SLC25A24: variants seen among roughly 807,000 people sequenced by gnomAD.
SLC25A24 encodes mitochondrial adenyl nucleotide antiporter SLC25A24.
SLC25A24 carries 49 observed loss-of-function variants against 60.7 expected under a neutral mutation model. The ratio of observed to expected loss-of-function variants is 0.81; its 90% CI spans 0.64 to 1.02. The LOEUF (loss-of-function observed/expected upper bound fraction) is 1.02, where lower values mean the gene tolerates loss of function less well. Ranked by LOEUF, SLC25A24 falls within the 50% of genes least tolerant of loss-of-function variation. The pLI is 0.00. For synonymous variants in SLC25A24, 202 were observed against 200.6 expected (o/e 1.01, Z -0.06); for missense variants, 564 against 586.3 (o/e 0.96, Z 0.39).
At chr1:108,169,107 C>T (rs780688743) in intron 3 of SLC25A24, among the ~76,000 whole-genome samples, 21 of 152,168 alleles carry the variant, frequency 1.4e-4, no homozygotes, top group Non-Finnish European at 2.6e-4. Context: ...ACTTCTTTCA[C>T]GTGACAAATC....
intron 3 of SLC25A24, among the ~76,000 whole-genome samples, chr1:108,165,905 T>G (rs1459634896): frequency 6.6e-6 from 1 of 152,240 alleles, no homozygotes; most frequent in African/African-American, 2.4e-5. Context: ...TCTTTACATT[T>G]TGGCATGATT....
intron 7 of SLC25A24, among the ~76,000 whole-genome samples, chr1:108,145,328 A>T (rs1679555291): frequency 6.6e-6 from 1 of 151,868 alleles, no homozygotes; most frequent in Non-Finnish European, 1.5e-5. Context: ...TGTCAGATGG[A>T]TAGATTGCAA....
intron 1 of SLC25A24, among the ~76,000 whole-genome samples, chr1:108,193,289 G>A (rs1448236588): frequency 7.2e-6 from 1 of 138,308 alleles, no homozygotes; most frequent in East Asian, 2.7e-4. Context: ...CACCCAGGTT[G>A]TGAACAAAGT....
intron 4 of SLC25A24, among the ~76,000 whole-genome samples, chr1:108,159,668 T>C (rs1223183623): frequency 1.3e-5 from 2 of 151,844 alleles, no homozygotes; most frequent in African/African-American, 2.4e-5. Flanking sequence ...GTGATGACTC[T>C]TAACGAGCCT....
At chr1:108,180,960 T>A (rs1647904969) in intron 3 of SLC25A24, among the ~76,000 whole-genome samples, 1 of 152,226 alleles carries the variant, frequency 6.6e-6, no homozygotes, top group African/African-American at 2.4e-5. Flanking sequence ...GCCCTCACTT[T>A]CCTATAAGAA....
At chr1:108,186,901 A>AC (rs1348398353) in intron 1 of SLC25A24, among the ~76,000 whole-genome samples, 1 of 151,784 alleles carries the variant, frequency 6.6e-6, no homozygotes, top group Non-Finnish European at 1.5e-5. Context: ...AACATGGAGA[A>AC]CCCCCATCTC....
rs1271850324 is a variant in SLC25A24 at position 108,182,804 on chromosome 1, G to A, written c.311-776C>T. On this transcript the variant is annotated intron_variant, in intron 2 of 9. Coordinates refer to ENST00000565488, the MANE Select transcript of SLC25A24 (RefSeq NM_013386.5). ...GCTGAGATCGCGCCACTGCACCCCAGCCTGGGTGACAGAGTGAGACTCCAT... is the reference window on the plus strand; with the variant it reads ...GCTGAGATCGCGCCACTGCACCCCAACCTGGGTGACAGAGTGAGACTCCAT... Among the ~76,000 whole-genome samples, 3 of 152,124 alleles carry A rather than the reference G, an allele frequency of 2.0e-5. No individual in the cohort carries two copies. In the East Asian group the frequency reaches 5.8e-4, roughly 29 times the overall value.
intron 8 of SLC25A24, among the ~76,000 whole-genome samples, chr1:108,139,448 C>T (rs527786076): frequency 5.3e-5 from 8 of 152,258 alleles, no homozygotes; most frequent in Admixed American, 3.3e-4. Context: ...ACGTGAACTG[C>T]GCAGCAAACG....
intron 3 of SLC25A24, among the ~76,000 whole-genome samples, chr1:108,178,409 G>C (rs1647780104): frequency 6.6e-6 from 1 of 152,154 alleles, no homozygotes; most frequent in Non-Finnish European, 1.5e-5. Flanking sequence ...CTTCTCAACT[G>C]CACATGGAAC....
chr1:108,194,590 A>G lies in SLC25A24; in HGVS notation c.183+5366T>C, dbSNP rs1205551505. On this transcript the variant is annotated intron_variant, in intron 1 of 9. Transcript: ENST00000565488. ...GAGTTTCATCTAATAAAAGGCAGGT[A>G]GTTTTGTTGAATAGCTCTTTCTGCT... Among the ~76,000 whole-genome samples the G allele has an allele frequency of 2.1e-5, 2 of 93,672 alleles. 1 individual carries two copies. The highest frequency in any genetic ancestry group is 4.9e-5 in the Non-Finnish European group (2 of 40,482). The allele number at this position is 93,672 out of a possible 152,430, so 61.5% of individuals were successfully genotyped here.
rs746281468 is a variant in SLC25A24, at chr1:108,185,967, A to G, written c.184-13T>C. The G allele has an allele frequency of 3.9e-6, 6 of 1,554,882 alleles. No individual in the cohort carries two copies. In the South Asian group the frequency reaches 4.9e-5, roughly 13 times the overall value. On this transcript the variant is annotated splice_polypyrimidine_tract_variant and intron_variant, in intron 1 of 9. Transcript: ENST00000565488. ...TAGTAAAAATTTTCTATAAAAAAAA[A>G]TTAGAGAGAAGTTATTGCCAATATG...
intron 8 of SLC25A24, among the ~76,000 whole-genome samples, chr1:108,139,653 G>A (rs985966748): frequency 6.6e-6 from 1 of 152,086 alleles, no homozygotes; most frequent in African/African-American, 2.4e-5. Context: ...TTGAGATGGA[G>A]TCTCGCTCTT....
chr1:108,196,608 A>G (rs1215069157), intron 1 of SLC25A24, among the ~76,000 whole-genome samples: 1 of 152,224 alleles, frequency 6.6e-6, no homozygotes, highest in Non-Finnish European at 1.5e-5. Context: ...TACTTAAAAA[A>G]TAAGCATTGA....
chr1:108,139,281 T>C (rs368483480), intron 8 of SLC25A24, 73 bp from the exon 9 acceptor site: 4 of 1,439,378 alleles, frequency 2.8e-6, no homozygotes, highest in East Asian at 4.8e-5. Context: ...ACAGCTATTC[T>C]CAACCTCATG....
chr1:108,199,524 C>A, intron 1 of SLC25A24: 1 of 250,352 alleles, frequency 4.0e-6, no homozygotes, highest in South Asian at 1.4e-4. Flanking sequence ...ATACACATAG[C>A]TGCTGTAACA....
Position 108,143,655 on chromosome 1 carries a change from T to A in SLC25A24, c.986A>T (p.Asp329Val). 6.2e-7 allele frequency: 1 copy of A among 1,613,852 alleles called. No homozygotes were observed. Among genetic ancestry groups the A allele is most frequent in the Non-Finnish European group, 8.5e-7 (1 of 1,179,814 alleles). The change falls in exon 8 of 10, where the codon GAT (aspartate) becomes GTT (valine). Residue 329 changes from aspartate to valine, a missense_variant. Transcript: ENST00000565488. ...ATGTTTCAAAATCTTCTTGGCACAA[T>A]CATATATTCCAGAGTACTGCCCAGT... ...GKTGQYSGIY[D>V]CAKKILKHEG...
intron 3 of SLC25A24, among the ~76,000 whole-genome samples, chr1:108,180,255 C>T (rs1647866578): frequency 6.6e-6 from 1 of 151,946 alleles, no homozygotes; most frequent in Admixed American, 6.6e-5. Flanking sequence ...GTCCCAACTA[C>T]TCAGGAGGCT....
chr1:108,143,641 T>G lies in SLC25A24; in HGVS notation c.1000A>C (p.Ile334Leu). The G allele has an allele frequency of 6.2e-7, 1 of 1,613,860 alleles. No individual in the cohort carries two copies. Among genetic ancestry groups the G allele is most frequent in the South Asian group, 1.1e-5 (1 of 91,064 alleles). Residue 334 changes from isoleucine (I) to leucine (L), a missense_variant, in exon 8 of 10, where the codon ATT (isoleucine) becomes CTT (leucine). Physicochemically the swap from Ile to Leu is conservative, Grantham distance 5. Transcript: ENST00000565488. ...YSGIYDCAKK[I>L]LKHEGLGAFY... Reference sequence around the variant, plus strand: ...GCTCCCAAGCCTTCATGTTTCAAAATCTTCTTGGCACAATCATATATTCCA... The same window carrying G: ...GCTCCCAAGCCTTCATGTTTCAAAAGCTTCTTGGCACAATCATATATTCCA...
chr1:108,149,319 A>G (rs1318071997), intron 6 of SLC25A24, among the ~76,000 whole-genome samples: 4 of 152,098 alleles, frequency 2.6e-5, no homozygotes, highest in Admixed American at 2.6e-4. Context: ...CAAAATAGTG[A>G]CTGGCCAGTA....
Sources: gnomAD v4.1 joint callset for allele counts (sites outside exome capture counted in the v4.1 genomes callset) on GRCh38, gnomAD v4.1.1 for gene constraint, MANE v1.5 for transcripts, NCBI Gene and HGNC (gene_info 2026-07-23, HGNC 2026-07-21) for gene names.